The following SNTG1 variants were observed in gnomAD, a reference collection of about 807,000 sequenced individuals.
SNTG1 encodes syntrophin gamma 1, also known as gamma-1-syntrophin.
In SNTG1, 39 loss-of-function variants were observed where a neutral mutation model predicts 74.7. The ratio of observed to expected loss-of-function variants is 0.52; its 90% CI spans 0.40 to 0.68. SNTG1 has a LOEUF of 0.68. Ranked by LOEUF, SNTG1 falls within the 30% of genes least tolerant of loss-of-function variation. SNTG1 has a pLI of 0.00. For synonymous variants in SNTG1, 254 were observed against 217.1 expected (o/e 1.17, Z -1.49); for missense variants, 685 against 609.5 (o/e 1.12, Z -1.30).
chr8:50,789,198 G>A (rs370985617), intron 18 of SNTG1, among the ~76,000 whole-genome samples: 108 of 151,898 alleles, frequency 7.1e-4, no homozygotes, highest in African/African-American at 2.5e-3. Context: ...TCCATAAAAC[G>A]ACTCTTGTAA....
chr8:50,629,658 A>T (rs1386823826), intron 13 of SNTG1, among the ~76,000 whole-genome samples: 2 of 152,018 alleles, frequency 1.3e-5, no homozygotes, highest in African/African-American at 4.8e-5. Context: ...TTAAAACTGG[A>T]GCTTCTGTTC....
At position 49,947,985 on chromosome 8, in the gene SNTG1, G is replaced by C. The variant is rs551684827; in HGVS notation, c.-103+35754G>C. Among the ~76,000 whole-genome samples the C allele has an allele frequency of 5.3e-5, 8 of 152,050 alleles. No individual in the cohort carries two copies. In the East Asian group the frequency reaches 1.6e-3, roughly 30 times the overall value. On this transcript the variant is annotated intron_variant, in intron 1 of 18. Coordinates refer to ENST00000642720, the MANE Select transcript of SNTG1 (RefSeq NM_018967.5). Reference sequence around the variant, plus strand: ...CTCTCTACTAAAAATACAAAAATTAGCTGGTTATGGTGTCAGGAGCCTATA... The same window carrying C: ...CTCTCTACTAAAAATACAAAAATTACCTGGTTATGGTGTCAGGAGCCTATA...
At chr8:50,022,729 C>T (rs536010562) in intron 1 of SNTG1, among the ~76,000 whole-genome samples, 1 of 152,290 alleles carries the variant, frequency 6.6e-6, no homozygotes, top group African/African-American at 2.4e-5. Context: ...CCAGAGCATA[C>T]ATGGATTAGG....
At chr8:50,784,931 T>G (rs1472643352) in intron 18 of SNTG1, among the ~76,000 whole-genome samples, 1 of 151,892 alleles carries the variant, frequency 6.6e-6, no homozygotes, top group Non-Finnish European at 1.5e-5. Flanking sequence ...TATGAGGATA[T>G]TAAAAGCAAA....
chr8:50,569,389 G>A (rs969679322), intron 12 of SNTG1, among the ~76,000 whole-genome samples: 4 of 149,918 alleles, frequency 2.7e-5, no homozygotes, highest in African/African-American at 7.5e-5. Context: ...ACACACTTAC[G>A]TGCAGAAGTG....
In SNTG1 at chr8:50,244,995, CA is replaced by C. The variant is rs375227944; in HGVS notation, c.-28+72361del. ...TTAATATAAGTAAATGCCATTTTTA[CA>C]TTTTTTTTCCATTATCATTCTTGCA... On this transcript the variant is annotated intron_variant, in intron 2 of 18. Coordinates refer to ENST00000642720, the MANE Select transcript of SNTG1 (RefSeq NM_018967.5). 3.3e-4 allele frequency among the ~76,000 whole-genome samples: 50 copies of C among 152,196 alleles called. 1 individual carries two copies. The East Asian group carries it at 8.5e-3, about 26-fold the overall frequency.
chr8:50,674,765 G>C (rs1040849473), intron 15 of SNTG1, among the ~76,000 whole-genome samples: 1 of 151,772 alleles, frequency 6.6e-6, no homozygotes, highest in South Asian at 2.1e-4. Flanking sequence ...TTAGGGTGTA[G>C]ATTTGAGATC....
intron 17 of SNTG1, among the ~76,000 whole-genome samples, chr8:50,729,196 G>A (rs2095507055): frequency 6.6e-6 from 1 of 152,112 alleles, no homozygotes; most frequent in Non-Finnish European, 1.5e-5. Context: ...CTGTGGCTTG[G>A]CTCATCCCTG....
intron 2 of SNTG1, among the ~76,000 whole-genome samples, chr8:50,370,016 T>C (rs148274589): frequency 7.9e-5 from 12 of 152,282 alleles, no homozygotes; most frequent in African/African-American, 1.9e-4. Flanking sequence ...AATATCACCA[T>C]TGGACACTCC....
chr8:50,154,458 C>T (rs1427942465), intron 1 of SNTG1, among the ~76,000 whole-genome samples: 4 of 152,110 alleles, frequency 2.6e-5, no homozygotes, highest in Non-Finnish European at 5.9e-5. Context: ...GTCCAACGTG[C>T]CCCAGTGAGA....
At chr8:50,203,277 G>C (rs1276848099) in intron 2 of SNTG1, among the ~76,000 whole-genome samples, 1 of 152,026 alleles carries the variant, frequency 6.6e-6, no homozygotes. Flanking sequence ...TTACCCATCT[G>C]TTCTTCCATG....
At chr8:50,095,900 A>T (rs1468470139) in intron 1 of SNTG1, among the ~76,000 whole-genome samples, 1 of 152,140 alleles carries the variant, frequency 6.6e-6, no homozygotes, top group Non-Finnish European at 1.5e-5. Context: ...GATAAACAAA[A>T]TACCTAAAAT....
At chr8:50,123,553 C>T (rs2081058920) in intron 1 of SNTG1, among the ~76,000 whole-genome samples, 1 of 142,282 alleles carries the variant, frequency 7.0e-6, no homozygotes, top group Non-Finnish European at 1.6e-5. Context: ...TTCTTATATG[C>T]ATTATAAAAG....
intron 2 of SNTG1, among the ~76,000 whole-genome samples, chr8:50,288,912 C>T (rs750891323): frequency 3.3e-5 from 5 of 152,054 alleles, no homozygotes; most frequent in Non-Finnish European, 4.4e-5. Flanking sequence ...TTGGTGAAGG[C>T]ACAGAGCTGT....
chr8:50,110,786 A>G (rs1260963976), intron 1 of SNTG1, among the ~76,000 whole-genome samples: 1 of 151,948 alleles, frequency 6.6e-6, no homozygotes, highest in East Asian at 1.9e-4. Flanking sequence ...ACAAAAGTGA[A>G]TGAATGTGGT....
At chr8:50,178,900 A>G (rs1283441390) in intron 2 of SNTG1, among the ~76,000 whole-genome samples, 1 of 152,190 alleles carries the variant, frequency 6.6e-6, no homozygotes, top group Non-Finnish European at 1.5e-5. Flanking sequence ...TGTCATATTC[A>G]AAATAATTAT....
intron 2 of SNTG1, among the ~76,000 whole-genome samples, chr8:50,270,489 G>A (rs931070766): frequency 3.9e-5 from 6 of 152,168 alleles, no homozygotes; most frequent in Admixed American, 6.5e-5. Flanking sequence ...AATCTGTTAT[G>A]ATTGGAGATC....
intron 8 of SNTG1, among the ~76,000 whole-genome samples, chr8:50,499,728 A>C (rs1351906692): frequency 6.6e-6 from 1 of 151,802 alleles, no homozygotes. Flanking sequence ...TACTTTGCTT[A>C]AAGTGTTCAA....
At chr8:50,136,695 T>A (rs2081486118) in intron 1 of SNTG1, among the ~76,000 whole-genome samples, 1 of 152,030 alleles carries the variant, frequency 6.6e-6, no homozygotes, top group South Asian at 2.1e-4. Context: ...TAATACCTGG[T>A]GAATGTTATT....
Sources: allele counts gnomAD v4.1 joint callset (sites outside exome capture counted in the v4.1 genomes callset), GRCh38; gene constraint gnomAD v4.1.1; transcripts MANE v1.5; gene names NCBI Gene and HGNC (gene_info 2026-07-23, HGNC 2026-07-21).